C3orf20: variants seen among roughly 807,000 people sequenced by gnomAD.
C3orf20 encodes family with sequence similarity 149 member C, also known as uncharacterized protein C3orf20.
A neutral mutation model predicts 88.3 loss-of-function variants in C3orf20; 76 were observed. The ratio of observed to expected loss-of-function variants is 0.86; its 90% CI spans 0.72 to 1.04. The LOEUF (loss-of-function observed/expected upper bound fraction) is 1.04, where lower values mean the gene tolerates loss of function less well. Ranked by LOEUF, C3orf20 falls within the 50% of genes least tolerant of loss-of-function variation. The pLI, the probability that C3orf20 is intolerant of heterozygous loss-of-function variation, is 0.00. For missense variants in C3orf20, 1,056 were observed against 1,123.3 expected (o/e 0.94, Z 0.86); for synonymous variants, 436 against 437.4 (o/e 1.00, Z 0.04).
At chr3:14,684,023 A>G (rs575080172) in intron 3 of C3orf20, among the ~76,000 whole-genome samples, 1 of 152,170 alleles carries the variant, frequency 6.6e-6, no homozygotes, top group South Asian at 2.1e-4. Flanking sequence ...ACCCAGGCCT[A>G]TGGGTAGGAA....
At chr3:14,686,906 T>C (rs1323040164) in intron 4 of C3orf20, among the ~76,000 whole-genome samples, 3 of 152,216 alleles carry the variant, frequency 2.0e-5, no homozygotes, top group Non-Finnish European at 4.4e-5. Context: ...ATTAAACATC[T>C]GCTAATACAC....
intron 12 of C3orf20, among the ~76,000 whole-genome samples, chr3:14,733,704 T>C (rs1408063503): frequency 1.3e-5 from 2 of 152,082 alleles, no homozygotes; most frequent in East Asian, 3.8e-4. Context: ...GTTTTTTTTT[T>C]TTTGAAACGG....
chr3:14,722,477 G>A (rs1199183925), intron 10 of C3orf20: 2 of 456,664 alleles, frequency 4.4e-6, no homozygotes, highest in Non-Finnish European at 8.8e-6. Flanking sequence ...GGAAAATCAA[G>A]GTGCTGTTAC....
In C3orf20 at chr3:14,682,702, A is replaced by G; in HGVS notation, c.-12A>G. ...TCTCAGAGAGCTCTCTTTATAGCTG[A>G]AGGTCCCTCTCATGAGTTACATCAA... On this transcript the variant is annotated 5_prime_UTR_variant, in exon 3 of 17. Transcript: ENST00000253697. 2 of 1,594,368 alleles carry G rather than the reference A, an allele frequency of 1.3e-6. No homozygotes were observed. Among genetic ancestry groups the G allele is most frequent in the Non-Finnish European group, 1.7e-6 (2 of 1,170,344 alleles).
At chr3:14,677,113 C>T (rs147816638) in intron 1 of C3orf20, among the ~76,000 whole-genome samples, 1 of 152,254 alleles carries the variant, frequency 6.6e-6, no homozygotes, top group East Asian at 1.9e-4. Context: ...GACTCGCTGC[C>T]CTTATCAGAA....
rs767873562 is a variant in C3orf20 at position 14,703,246 on chromosome 3, G to T, written c.862G>T (p.Glu288Ter). The T allele has an allele frequency of 3.7e-6, 6 of 1,614,038 alleles. No homozygotes were observed. The Admixed American group carries it at 1.0e-4, about 27-fold the overall frequency. Residue 288 changes from glutamate (E) to a stop codon, truncating the protein, a stop_gained, in exon 6 of 17, where the codon GAG (glutamate) becomes TAG (stop). Coordinates refer to ENST00000253697, the MANE Select transcript of C3orf20 (RefSeq NM_032137.5). LOFTEE classifies it high-confidence loss of function. Reference sequence around the variant, plus strand: ...CCCTGAGGCCCGGGAGAAGCTGCAGGAGTTGTGTCGCCACATGTGAGCACC... The same window carrying T: ...CCCTGAGGCCCGGGAGAAGCTGCAGTAGTTGTGTCGCCACATGTGAGCACC... Reference protein sequence around the residue: ...PCPEAREKLQELCRHIEAERA... With the variant: ...PCPEAREKLQ
chr3:14,711,950 C>G (rs568416461), intron 7 of C3orf20, among the ~76,000 whole-genome samples: 6 of 151,860 alleles, frequency 4.0e-5, no homozygotes, highest in East Asian at 1.9e-4. Flanking sequence ...ATTTCCTTTT[C>G]TCCATATTTT....
chr3:14,738,164 C>CTTTTTT (rs35948176), intron 12 of C3orf20, among the ~76,000 whole-genome samples: 4 of 107,346 alleles, frequency 3.7e-5, no homozygotes, highest in African/African-American at 1.2e-4. Context: ...ACAAATATTC[C>CTTTTTT]TTTTTTTTTT....
intron 12 of C3orf20, among the ~76,000 whole-genome samples, chr3:14,738,816 T>TA (rs1491510232): frequency 1.5e-5 from 1 of 67,280 alleles, no homozygotes; most frequent in African/African-American, 9.1e-5. Flanking sequence ...AATTTTTTTG[T>TA]TTTTTTTTTT....
chr3:14,691,042 G>A (rs13089188), intron 5 of C3orf20, among the ~76,000 whole-genome samples: 101,051 of 152,174 alleles, frequency 0.66, 33,653 homozygotes, highest in Middle Eastern at 0.71. Flanking sequence ...TCACCATATC[G>A]AGCTGATCCT....
chr3:14,697,446 C>T (rs563114178), intron 5 of C3orf20, among the ~76,000 whole-genome samples: 247 of 152,086 alleles, frequency 1.6e-3, no homozygotes, highest in Non-Finnish European at 2.7e-3. Flanking sequence ...TTGATAAATT[C>T]TACTGTTAAA....
intron 4 of C3orf20, among the ~76,000 whole-genome samples, chr3:14,689,728 G>A (rs1191849549): frequency 6.6e-6 from 1 of 151,800 alleles, no homozygotes; most frequent in Non-Finnish European, 1.5e-5. Flanking sequence ...ATCACTTTTC[G>A]TGCTTGCTTG....
At chr3:14,712,356 C>T (rs61595673) in intron 7 of C3orf20, among the ~76,000 whole-genome samples, 62,282 of 151,968 alleles carry the variant, frequency 0.41, 12,947 homozygotes, top group Middle Eastern at 0.47. Context: ...AAGCATAACC[C>T]TGTTGACACC....
rs552484617 is a variant in C3orf20 at position 14,743,936 on chromosome 3, G to A, written c.1941-13435G>A. ...CCACTTTTTCCTCCTGGGCCTCCAG[G>A]CCTGATGGGAGGGGCTATCAGGAAG... On this transcript the variant is annotated intron_variant, in intron 12 of 16. Transcript: ENST00000253697. Among the ~76,000 whole-genome samples the A allele has an allele frequency of 2.0e-4, 30 of 152,146 alleles. 2 individuals carry two copies. Among genetic ancestry groups the A allele is most frequent in the African/African-American group, 7.2e-4 (30 of 41,384 alleles).
intron 4 of C3orf20, among the ~76,000 whole-genome samples, chr3:14,689,357 A>T (rs1454513677): frequency 6.6e-6 from 1 of 152,104 alleles, no homozygotes; most frequent in Non-Finnish European, 1.5e-5. Context: ...TTTGAATTTG[A>T]GTGAGCTGTG....
chr3:14,740,401 G>T (rs2034867010), intron 12 of C3orf20, among the ~76,000 whole-genome samples: 1 of 152,038 alleles, frequency 6.6e-6, no homozygotes, highest in South Asian at 2.1e-4. Flanking sequence ...ATGGTTCATT[G>T]GTGCCCCCAA....
intron 5 of C3orf20, among the ~76,000 whole-genome samples, chr3:14,699,843 T>C (rs2033173687): frequency 2.0e-5 from 3 of 152,176 alleles, no homozygotes; most frequent in African/African-American, 7.2e-5. Context: ...GGAGTTGCAG[T>C]CCTTGCGGCC....
intron 10 of C3orf20, among the ~76,000 whole-genome samples, chr3:14,725,369 G>A (rs1287735609): frequency 6.6e-6 from 1 of 152,154 alleles, no homozygotes; most frequent in Non-Finnish European, 1.5e-5. Flanking sequence ...GACACCCATT[G>A]CCCTGGAAAG....
chr3:14,679,680 C>T (rs1221901450), intron 1 of C3orf20, among the ~76,000 whole-genome samples: 1 of 152,128 alleles, frequency 6.6e-6, no homozygotes, highest in Non-Finnish European at 1.5e-5. Flanking sequence ...TCCCTGAAGG[C>T]AGTCTCCTTC....
Sources: gnomAD v4.1 joint callset for allele counts (sites outside exome capture counted in the v4.1 genomes callset) on GRCh38, gnomAD v4.1.1 for gene constraint, MANE v1.5 for transcripts, NCBI Gene and HGNC (gene_info 2026-07-23, HGNC 2026-07-21) for gene names.